NME9: variants seen among roughly 807,000 people sequenced by gnomAD.
NME9 encodes the protein NME/NM23 family member 9.
Under a neutral mutation model 44.4 loss-of-function variants are expected in NME9, and 48 were observed. The ratio of observed to expected loss-of-function variants is 1.08; its 90% CI spans 0.86 to 1.37. The LOEUF (loss-of-function observed/expected upper bound fraction) is 1.37, where lower values mean the gene tolerates loss of function less well. Among genes scored for constraint, NME9 ranks in the 40% most tolerant of loss-of-function variants. The probability of loss-of-function intolerance (pLI) is 0.00; values close to 1 mark genes in which losing one functional copy is unlikely to be tolerated. For synonymous variants in NME9, 139 were observed against 147.1 expected (o/e 0.94, Z 0.40); for missense variants, 325 against 405.2 (o/e 0.80, Z 1.70).
At chr3:138,284,222 GTTGGGGTTCTCT>G (rs1167097015) in intron 8 of NME9, among the ~76,000 whole-genome samples, 2 of 152,206 alleles carry the variant, frequency 1.3e-5, no homozygotes, top group African/African-American at 4.8e-5. Flanking sequence ...CCACCAAAGT[GTTGGGGTTCTCT>G]TTTGCCTAAG....
At chr3:138,303,453 C>G in intron 10 of NME9, 54 bp downstream of exon 10, 2 of 1,465,964 alleles carry the variant, frequency 1.4e-6, no homozygotes, top group Non-Finnish European at 1.9e-6. Flanking sequence ...CACATAGTTA[C>G]AAATTCCTTG....
At chr3:138,294,855 CATT>C (rs2051316229) in intron 8 of NME9, among the ~76,000 whole-genome samples, 1 of 151,658 alleles carries the variant, frequency 6.6e-6, no homozygotes, top group African/African-American at 2.4e-5. Flanking sequence ...TCACTGTTCA[CATT>C]ATTTTTTGGT....
At chr3:138,328,614 T>C (rs2053939292) in intron 1 of NME9, among the ~76,000 whole-genome samples, 1 of 152,156 alleles carries the variant, frequency 6.6e-6, no homozygotes, top group Non-Finnish European at 1.5e-5. Context: ...ATCATCCAGC[T>C]GATCTCCTTA....
intron 8 of NME9, among the ~76,000 whole-genome samples, chr3:138,267,639 G>A (rs377541526): frequency 6.6e-6 from 1 of 152,116 alleles, no homozygotes; most frequent in African/African-American, 2.4e-5. Context: ...TGCTGTCATT[G>A]GAAAATCATC....
intron 1 of NME9, among the ~76,000 whole-genome samples, chr3:138,328,046 C>T (rs948369585): frequency 5.3e-5 from 8 of 152,088 alleles, no homozygotes; most frequent in African/African-American, 1.4e-4. Flanking sequence ...GTAAAGGATA[C>T]GGAGGCCAGA....
chr3:138,301,710 G>A lies in NME9; in HGVS notation c.929-6C>T, dbSNP rs2051860711. ...TGTTGCTTCAGCCTCACCGCCTGTG[G>A]GATGACAGATGTTTGGTAGGACTCC... On this transcript the variant is annotated splice_region_variant and splice_polypyrimidine_tract_variant and intron_variant, in intron 10 of 10. Transcript: ENST00000333911. The A allele has an allele frequency of 6.5e-7, 1 of 1,535,350 alleles. No individual in the cohort carries two copies. Among genetic ancestry groups the A allele is most frequent in the South Asian group, 1.2e-5 (1 of 84,052 alleles).
intron 8 of NME9, among the ~76,000 whole-genome samples, chr3:138,291,872 G>A (rs1331356561): frequency 6.6e-6 from 1 of 152,136 alleles, no homozygotes; most frequent in Non-Finnish European, 1.5e-5. Flanking sequence ...TATGGAGAGG[G>A]AGAATGCTAA....
At chr3:138,273,981 T>G (rs2049024515) in intron 8 of NME9, among the ~76,000 whole-genome samples, 1 of 152,064 alleles carries the variant, frequency 6.6e-6, no homozygotes, top group Admixed American at 6.6e-5. Flanking sequence ...CATGCCCAGC[T>G]AATTTTTTGT....
chr3:138,299,058 A>G (rs1282046053), downstream of NME9, among the ~76,000 whole-genome samples: 1 of 152,208 alleles, frequency 6.6e-6, no homozygotes, highest in Non-Finnish European at 1.5e-5. Context: ...CTCCCACCCC[A>G]GATCTTGATG....
rs539158545 is a variant in NME9, at chr3:138,289,020, AT to A, written c.745+14486del. ...CTAAAATGAGATTACCACCATTTTGATTTTTTTTTCTTTTTCTGTATTAATA... is the reference window on the plus strand; with the variant it reads ...CTAAAATGAGATTACCACCATTTTGATTTTTTTTCTTTTTCTGTATTAATA... On this transcript the variant is annotated intron_variant, in intron 8 of 8. Coordinates refer to the NME9 transcript ENST00000317876. The A allele has an allele frequency of 2.4e-4, 369 of 1,568,438 alleles. 1 individual carries two copies. The highest frequency in any genetic ancestry group is 1.7e-3 in the South Asian group (145 of 87,346).
At chr3:138,266,529 C>T (rs2048302418) in intron 8 of NME9, among the ~76,000 whole-genome samples, 1 of 152,258 alleles carries the variant, frequency 6.6e-6, no homozygotes, top group East Asian at 1.9e-4. Flanking sequence ...CGGTACTTCC[C>T]TTATTATTCA....
intron 8 of NME9, among the ~76,000 whole-genome samples, chr3:138,294,028 GATAATGACAGTAGAAAGACA>G (rs1436807616): frequency 6.6e-6 from 1 of 152,110 alleles, no homozygotes; most frequent in Non-Finnish European, 1.5e-5. Flanking sequence ...AGACTCCTTA[GATAATGACAGTAGAAAGACA>G]ATAAAGGTAC....
chr3:138,306,234 C>T, intron 7 of NME9, 138 bp from the exon 8 acceptor site: 2 of 831,240 alleles, frequency 2.4e-6, no homozygotes, highest in Non-Finnish European at 4.0e-6. Flanking sequence ...CATTATCTGT[C>T]CCAATCAGAT....
intron 4 of NME9, among the ~76,000 whole-genome samples, chr3:138,317,357 GA>G (rs1423417695): frequency 2.6e-5 from 4 of 152,226 alleles, no homozygotes; most frequent in Admixed American, 2.6e-4. Context: ...GGTGTTTGGA[GA>G]CCTGGTTGAG....
intron 8 of NME9, among the ~76,000 whole-genome samples, chr3:138,276,924 A>C (rs1177640848): frequency 6.6e-6 from 1 of 152,246 alleles, no homozygotes; most frequent in African/African-American, 2.4e-5. Flanking sequence ...ATAGATTTTA[A>C]AATCTGTATG....
rs2051817452 is a variant in NME9, at chr3:138,301,133, A to AG, written c.*506dup. The AG allele has an allele frequency of 1.0e-6, 1 of 969,538 alleles. No homozygotes were observed. Among genetic ancestry groups the AG allele is most frequent in the Non-Finnish European group, 1.2e-6 (1 of 815,670 alleles). 60.1% of individuals were successfully genotyped at this position (969,538 alleles called of 1,614,324 possible). ...TTATTTTGTAAAATCCCAAAGACAG[A>AG]GAAAAAAAACTGCGTTCTACATACT... On this transcript the variant is annotated 3_prime_UTR_variant, in exon 11 of 11. Coordinates refer to ENST00000333911, the MANE Select transcript of NME9 (RefSeq NM_001349018.2).
At chr3:138,267,275 C>T in intron 8 of NME9, 1 of 1,336,386 alleles carries the variant, frequency 7.5e-7, no homozygotes, top group Non-Finnish European at 1.0e-6. Context: ...AGACTTTGCC[C>T]AGTCCAGCTA....
chr3:138,290,373 G>C (rs2050820833), intron 8 of NME9, among the ~76,000 whole-genome samples: 1 of 152,200 alleles, frequency 6.6e-6, no homozygotes, highest in South Asian at 2.1e-4. Context: ...TTAGAAGACT[G>C]TCAGAGAGTC....
chr3:138,262,709 T>A (rs1055510926), intron 8 of NME9: 35 of 1,022,012 alleles, frequency 3.4e-5, no homozygotes, highest in African/African-American at 2.9e-4. Flanking sequence ...CCCAGGTAAT[T>A]CTTCTGCAAG....
Sources: allele counts gnomAD v4.1 joint callset (sites outside exome capture counted in the v4.1 genomes callset), GRCh38; gene constraint gnomAD v4.1.1; transcripts MANE v1.5; gene names NCBI Gene and HGNC (gene_info 2026-07-23, HGNC 2026-07-21).